The following NPAS2 variants were observed in gnomAD, a reference collection of about 807,000 sequenced individuals.
NPAS2 encodes the protein neuronal PAS domain protein 2, also known as neuronal PAS domain-containing protein 2.
NPAS2 carries 23 observed loss-of-function variants against 107.5 expected under a neutral mutation model. That is an observed-to-expected ratio of 0.21 (90% CI 0.15 to 0.30). NPAS2 has a LOEUF of 0.30. Among genes scored for constraint, NPAS2 ranks in the 10% least tolerant of loss-of-function variants. NPAS2 has a pLI of 1.00. For missense variants in NPAS2, 756 were observed against 1,043.3 expected (o/e 0.72, Z 3.79); for synonymous variants, 403 against 417.5 (o/e 0.97, Z 0.42).
Position 100,967,708 on chromosome 2 carries a change from A to T in NPAS2, c.908-573A>T, listed in dbSNP as rs182105373. 6.2e-3 allele frequency among the ~76,000 whole-genome samples: 942 copies of T among 152,232 alleles called. 7 individuals carry two copies. Among genetic ancestry groups the T allele is most frequent in the Non-Finnish European group, 0.011 (726 of 67,998 alleles). ...ACCATCAGCATCCATTCTGCTCTGG[A>T]CACCCCTAGAAAAGCCACCAGCAGA... On this transcript the variant is annotated intron_variant, in intron 10 of 20. Coordinates refer to ENST00000335681, the MANE Select transcript of NPAS2 (RefSeq NM_002518.4).
At chr2:100,972,770 G>A (rs1676672214) in intron 12 of NPAS2, 1 of 152,258 alleles carries the variant, frequency 6.6e-6, no homozygotes, top group African/African-American at 2.4e-5. Flanking sequence ...CATCGCTGAA[G>A]AACAGGTGTA....
chr2:100,842,117 C>G (rs1010996418), intron 1 of NPAS2, among the ~76,000 whole-genome samples: 1 of 124,564 alleles, frequency 8.0e-6, no homozygotes. Context: ...ACACTTAAGC[C>G]CCCAGGTGCC....
At chr2:100,928,858 A>G (rs1186774819) in intron 3 of NPAS2, among the ~76,000 whole-genome samples, 2 of 152,204 alleles carry the variant, frequency 1.3e-5, no homozygotes, top group Non-Finnish European at 2.9e-5. Context: ...GCAATATTCT[A>G]AGAGCTCTAC....
intron 1 of NPAS2, among the ~76,000 whole-genome samples, chr2:100,884,993 G>C (rs1389237512): frequency 6.6e-6 from 1 of 150,810 alleles, no homozygotes; most frequent in Non-Finnish European, 1.5e-5. Flanking sequence ...CTTTCACCCA[G>C]GCTAGAGCGC....
rs1675101819 is a variant in NPAS2, at chr2:100,949,543, G to A, written c.598+63G>A. 3.1e-6 allele frequency: 3 copies of A among 974,220 alleles called. No homozygotes were observed. The Admixed American group carries it at 5.4e-5, about 18-fold the overall frequency. 60.3% of individuals were successfully genotyped at this position (974,220 alleles called of 1,614,324 possible). A position where few individuals can be genotyped will look rare whatever the true frequency, so the allele number is the denominator to read the frequency against. ...TTCTCATGCAAACGTGCACATGGGG[G>A]CATTAAGAATCGCCCAGGGAGGAGG... On this transcript the variant is annotated intron_variant, in intron 7 of 20. Coordinates refer to ENST00000335681, the MANE Select transcript of NPAS2 (RefSeq NM_002518.4).
chr2:100,872,753 G>A (rs1679657018), intron 1 of NPAS2, among the ~76,000 whole-genome samples: 1 of 152,096 alleles, frequency 6.6e-6, no homozygotes, highest in African/African-American at 2.4e-5. Context: ...CACTGGATGA[G>A]AAGCCCAGAA....
At chr2:100,883,952 GGCCCTGAA>G (rs1680543014) in intron 1 of NPAS2, among the ~76,000 whole-genome samples, 1 of 152,034 alleles carries the variant, frequency 6.6e-6, no homozygotes, top group Non-Finnish European at 1.5e-5. Flanking sequence ...CCCTGGAGAG[GGCCCTGAA>G]GCATCTTGTG....
At chr2:100,904,814 C>T (rs747756111) in intron 2 of NPAS2, 28 bp downstream of exon 2, 1 of 1,566,554 alleles carries the variant, frequency 6.4e-7, no homozygotes, top group Admixed American at 1.7e-5. Context: ...CCCTGCTCAG[C>T]AGAGCTCTCT....
At chr2:100,853,991 A>C (rs1055886910) in intron 1 of NPAS2, among the ~76,000 whole-genome samples, 17 of 139,000 alleles carry the variant, frequency 1.2e-4, no homozygotes, top group South Asian at 1.2e-3. Flanking sequence ...AAAAAAAAAA[A>C]CACAAAAAAT....
At chr2:100,928,746 T>C (rs1272505558) in intron 3 of NPAS2, among the ~76,000 whole-genome samples, 2 of 152,172 alleles carry the variant, frequency 1.3e-5, no homozygotes, top group Non-Finnish European at 2.9e-5. Flanking sequence ...AGCAATCACT[T>C]TCCTTTACTT....
chr2:100,855,143 T>C (rs2104498002), intron 1 of NPAS2, among the ~76,000 whole-genome samples: 1 of 152,366 alleles, frequency 6.6e-6, no homozygotes, highest in Admixed American at 6.5e-5. Context: ...TATATTTCTC[T>C]TCACACCGCT....
At chr2:100,822,199 T>C (rs1279969774) in intron 1 of NPAS2, among the ~76,000 whole-genome samples, 2 of 152,170 alleles carry the variant, frequency 1.3e-5, no homozygotes, top group African/African-American at 4.8e-5. Flanking sequence ...CTAGAGGAAA[T>C]ATGTTATTAA....
At chr2:100,988,670 T>C (rs1677914513) in intron 17 of NPAS2, 2 of 322,878 alleles carry the variant, frequency 6.2e-6, no homozygotes, top group Admixed American at 4.7e-5. Context: ...TTTTAACCAT[T>C]ACCCACATGA....
intron 7 of NPAS2, among the ~76,000 whole-genome samples, chr2:100,950,011 G>C (rs1357883584): frequency 6.6e-6 from 1 of 152,238 alleles, no homozygotes; most frequent in Admixed American, 6.5e-5. Flanking sequence ...AAGTAGCAAA[G>C]TCTTATTTTC....
chr2:100,899,649 A>G (rs891002358), intron 1 of NPAS2, among the ~76,000 whole-genome samples: 1 of 152,228 alleles, frequency 6.6e-6, no homozygotes, highest in Non-Finnish European at 1.5e-5. Context: ...CATTTTCTGT[A>G]AATCTAAAGT....
intron 2 of NPAS2, among the ~76,000 whole-genome samples, chr2:100,915,550 C>T (rs1431746245): frequency 1.3e-5 from 2 of 152,128 alleles, no homozygotes; most frequent in Non-Finnish European, 2.9e-5. Context: ...TAGACCACCA[C>T]CCAAGGTCTA....
chr2:100,824,922 G>A (rs1676281921), intron 1 of NPAS2, among the ~76,000 whole-genome samples: 1 of 152,210 alleles, frequency 6.6e-6, no homozygotes, highest in South Asian at 2.1e-4. Flanking sequence ...ACCCCCTGGA[G>A]CCAAGGCAGG....
At chr2:100,944,692 A>G (rs1674779940) in intron 5 of NPAS2, among the ~76,000 whole-genome samples, 1 of 152,222 alleles carries the variant, frequency 6.6e-6, no homozygotes, top group South Asian at 2.1e-4. Flanking sequence ...TAGCAAATAC[A>G]TGCAAGAGCC....
At position 100,871,326 on chromosome 2, in the gene NPAS2, CTTGT is replaced by C. The variant is rs1679572029; in HGVS notation, c.-22-33404_-22-33401del. Reference sequence around the variant, plus strand: ...GCTTGCTGCCCACCTCTTCTTCTTCCTTGTTTTTTTTTTTTTTTTTTTTAAAGAC... The same window carrying C: ...GCTTGCTGCCCACCTCTTCTTCTTCCTTTTTTTTTTTTTTTTTTTAAAGAC... On this transcript the variant is annotated intron_variant, in intron 1 of 20. Transcript: ENST00000335681. Among the ~76,000 whole-genome samples the C allele has an allele frequency of 5.8e-5, 7 of 119,696 alleles. No individual in the cohort carries two copies. In the South Asian group the frequency reaches 2.0e-3, roughly 34 times the overall value. The allele number at this position is 119,696 out of a possible 152,430, so 78.5% of individuals were successfully genotyped here. A position where few individuals can be genotyped will look rare whatever the true frequency, so the allele number is the denominator to read the frequency against.
Sources: allele counts gnomAD v4.1 joint callset (sites outside exome capture counted in the v4.1 genomes callset), GRCh38; gene constraint gnomAD v4.1.1; transcripts MANE v1.5; gene names NCBI Gene and HGNC (gene_info 2026-07-23, HGNC 2026-07-21).